NUS1: variants seen among roughly 807,000 people sequenced by gnomAD.
NUS1 encodes dehydrodolichyl diphosphate synthase complex subunit NUS1.
For missense variants in NUS1, 292 were observed against 382.9 expected (o/e 0.76, Z 1.98); for synonymous variants, 135 against 155.2 (o/e 0.87, Z 0.97).
intron 1 of NUS1, among the ~76,000 whole-genome samples, chr6:117,686,303 C>G (rs1267957986): frequency 6.6e-6 from 1 of 151,548 alleles, no homozygotes; most frequent in Non-Finnish European, 1.5e-5. Context: ...AAATACTACT[C>G]ATTTATTAAA....
intron 3 of NUS1, among the ~76,000 whole-genome samples, chr6:117,699,555 C>T (rs146044943): frequency 1.3e-5 from 2 of 152,204 alleles, no homozygotes; most frequent in East Asian, 3.9e-4. Context: ...ATTGTTAAAA[C>T]GTCCATAGTA....
chr6:117,708,013 G>GA lies in NUS1; in HGVS notation c.*998_*999insA, dbSNP rs1216004008. The GA allele has an allele frequency of 2.0e-5, 3 of 152,008 alleles. No individual in the cohort carries two copies. Among genetic ancestry groups the GA allele is most frequent in the African/African-American group, 7.2e-5 (3 of 41,420 alleles). 9.4% of individuals were successfully genotyped at this position (152,008 alleles called of 1,614,324 possible). A position where few individuals can be genotyped will look rare whatever the true frequency, so the allele number is the denominator to read the frequency against. On this transcript the variant is annotated 3_prime_UTR_variant, in exon 5 of 5. Coordinates refer to ENST00000368494, the MANE Select transcript of NUS1 (RefSeq NM_138459.5). The stretch of plus-strand genomic sequence containing the variant: ...TATTTAAAATAAACATTTGAGGGAA[G>GA]TTACCAAGGCAGCTTTTTTCCTCAA...
intron 1 of NUS1, among the ~76,000 whole-genome samples, chr6:117,682,037 T>C (rs1176162432): frequency 6.6e-6 from 1 of 152,130 alleles, no homozygotes; most frequent in African/African-American, 2.4e-5. Context: ...TTTCACCATG[T>C]TGGCCAGGCT....
intron 1 of NUS1, 83 bp downstream of exon 1, chr6:117,676,168 C>T (rs1242039441): frequency 3.9e-6 from 6 of 1,537,964 alleles, no homozygotes; most frequent in African/African-American, 1.4e-5. Context: ...GCCCATGGCA[C>T]GAGTTGCCGC....
chr6:117,703,163 T>C (rs889384476), intron 3 of NUS1, among the ~76,000 whole-genome samples: 1 of 152,168 alleles, frequency 6.6e-6, no homozygotes, highest in African/African-American at 2.4e-5. Flanking sequence ...GGAAGGAGAA[T>C]AGATATTTTA....
intron 4 of NUS1, among the ~76,000 whole-genome samples, chr6:117,704,503 T>C (rs1347839204): frequency 6.6e-6 from 1 of 152,176 alleles, no homozygotes; most frequent in Non-Finnish European, 1.5e-5. Context: ...CAACCATGGA[T>C]GATATGTAAA....
intron 1 of NUS1, among the ~76,000 whole-genome samples, chr6:117,677,980 A>G (rs1290090439): frequency 4.6e-5 from 7 of 152,254 alleles, no homozygotes; most frequent in Non-Finnish European, 1.0e-4. Context: ...AGGAAAATGT[A>G]TAGCTAAATT....
intron 3 of NUS1, among the ~76,000 whole-genome samples, chr6:117,697,957 A>G (rs1300831303): frequency 6.6e-6 from 1 of 152,126 alleles, no homozygotes; most frequent in East Asian, 1.9e-4. Context: ...AATATCAAGC[A>G]TCTTCTCTGA....
intron 1 of NUS1, among the ~76,000 whole-genome samples, chr6:117,686,852 ATG>A (rs56080181): frequency 0.052 from 7,203 of 139,236 alleles, 203 homozygotes; most frequent in African/African-American, 0.074. Flanking sequence ...TGAAGTGTGT[ATG>A]TGTGTGTGTG....
chr6:117,681,898 TCTCGGCTCA>T (rs1773066501), intron 1 of NUS1, among the ~76,000 whole-genome samples: 1 of 152,214 alleles, frequency 6.6e-6, no homozygotes, highest in Non-Finnish European at 1.5e-5. Flanking sequence ...AGTGGTGCGA[TCTCGGCTCA>T]CTGCGACCTC....
chr6:117,679,236 G>T (rs1461173352), intron 1 of NUS1, among the ~76,000 whole-genome samples: 2 of 152,182 alleles, frequency 1.3e-5, no homozygotes, highest in East Asian at 1.9e-4. Context: ...CTCCATATTT[G>T]TCTGGTAAGG....
chr6:117,699,126 G>A (rs533260642), intron 3 of NUS1, among the ~76,000 whole-genome samples: 1 of 152,208 alleles, frequency 6.6e-6, no homozygotes, highest in South Asian at 2.1e-4. Context: ...CTGTTATTTA[G>A]CATAGCACTG....
At chr6:117,697,035 T>C (rs866724907) in intron 3 of NUS1, among the ~76,000 whole-genome samples, 3 of 151,822 alleles carry the variant, frequency 2.0e-5, no homozygotes, top group South Asian at 4.1e-4. Flanking sequence ...AAGTATACAG[T>C]TTTTATTAGT....
chr6:117,691,209 A>G (rs969952065), intron 1 of NUS1, among the ~76,000 whole-genome samples: 1 of 151,946 alleles, frequency 6.6e-6, no homozygotes, highest in Non-Finnish European at 1.5e-5. Context: ...CTAAATATGC[A>G]CATTTTTATG....
At chr6:117,678,680 T>G (rs1256707928) in intron 1 of NUS1, among the ~76,000 whole-genome samples, 1 of 57,966 alleles carries the variant, frequency 1.7e-5, no homozygotes, top group Admixed American at 2.1e-4. Context: ...TTCAGTGGTT[T>G]TTTTTTTTTT....
In NUS1 at chr6:117,710,122, C is replaced by G. The variant is rs1773554323; in HGVS notation, c.*3107C>G. ...CAAATTAAAAACGTATATGTGTACT[C>G]TTTTAAAAAGGAATTTGATAGTTCT... is the stretch of plus-strand genomic sequence containing the variant. On this transcript the variant is annotated 3_prime_UTR_variant, in exon 5 of 5. Transcript: ENST00000368494. The G allele has an allele frequency of 6.6e-6, 1 of 152,066 alleles. No individual in the cohort carries two copies. Among genetic ancestry groups the G allele is most frequent in the East Asian group, 1.9e-4 (1 of 5,194 alleles). 9.4% of individuals were successfully genotyped at this position (152,066 alleles called of 1,614,324 possible).
intron 1 of NUS1, among the ~76,000 whole-genome samples, chr6:117,681,906 C>T (rs1022956421): frequency 3.9e-5 from 6 of 152,184 alleles, no homozygotes; most frequent in Non-Finnish European, 7.3e-5. Flanking sequence ...GATCTCGGCT[C>T]ACTGCGACCT....
At chr6:117,697,158 A>G (rs749018932) in intron 3 of NUS1, among the ~76,000 whole-genome samples, 1 of 152,122 alleles carries the variant, frequency 6.6e-6, no homozygotes, top group African/African-American at 2.4e-5. Flanking sequence ...AAAACATACA[A>G]GAGATACACA....
rs1773000474 is a variant in NUS1 at position 117,677,456 on chromosome 6, T to C, written c.415+1371T>C. Among the ~76,000 whole-genome samples, 4 of 152,222 alleles carry C rather than the reference T, an allele frequency of 2.6e-5. 1 individual carries two copies. In the South Asian group the frequency reaches 8.3e-4, roughly 32 times the overall value. ...GAAAGCATTGGAATTTCTTTAAAGA[T>C]GTGAGAAGAATGATTTAAGAGTATT... On this transcript the variant is annotated intron_variant, in intron 1 of 4. Coordinates refer to ENST00000368494, the MANE Select transcript of NUS1 (RefSeq NM_138459.5).
Sources: allele counts gnomAD v4.1 joint callset (sites outside exome capture counted in the v4.1 genomes callset), GRCh38; gene constraint gnomAD v4.1.1; transcripts MANE v1.5; gene names NCBI Gene and HGNC (gene_info 2026-07-23, HGNC 2026-07-21).